TRPM2: variants seen among roughly 807,000 people sequenced by gnomAD.
The protein encoded by TRPM2 is estrogen-responsive element-associated gene 1 protein.
TRPM2 carries 161 observed loss-of-function variants against 174.0 expected under a neutral mutation model. The observed-to-expected ratio is 0.93, with a 90% confidence interval of 0.81 to 1.05. TRPM2 has a LOEUF of 1.05. Among genes scored for constraint, TRPM2 ranks in the 50% least tolerant of loss-of-function variants. The pLI is 0.00. For synonymous variants in TRPM2, 954 were observed against 861.3 expected (o/e 1.11, Z -1.88); for missense variants, 2,057 against 2,038.0 (o/e 1.01, Z -0.18).
At chr21:44,435,013 T>C in intron 27 of TRPM2, 118 bp from the exon 28 acceptor site, 1 of 953,588 alleles carries the variant, frequency 1.0e-6, no homozygotes, top group Admixed American at 2.0e-5. Flanking sequence ...GAAGCCTGCA[T>C]GCTGTCCCGC....
intron 21 of TRPM2, 143 bp from the exon 22 acceptor site, chr21:44,418,280 C>T: frequency 2.9e-6 from 4 of 1,373,510 alleles, no homozygotes; most frequent in South Asian, 2.8e-5. Context: ...AGCCCAGAGG[C>T]CCCCTTGGGG....
chr21:44,388,895 T>C (rs2049092918), intron 9 of TRPM2, among the ~76,000 whole-genome samples: 1 of 152,152 alleles, frequency 6.6e-6, no homozygotes, highest in African/African-American at 2.4e-5. Flanking sequence ...TACACGTATT[T>C]TACCACAGTT....
intron 4 of TRPM2, among the ~76,000 whole-genome samples, chr21:44,368,391 G>C (rs953758400): frequency 6.6e-6 from 1 of 151,606 alleles, no homozygotes; most frequent in East Asian, 1.9e-4. Context: ...ACAGGCGTGA[G>C]CCACCATGCC....
chr21:44,410,307 G>GGTGA (rs1490444496), intron 19 of TRPM2, among the ~76,000 whole-genome samples: 2 of 70,592 alleles, frequency 2.8e-5, no homozygotes, highest in African/African-American at 4.3e-5. Flanking sequence ...GCACTGTCTT[G>GGTGA]GCGTAGCCTT....
At chr21:44,352,471 C>T (rs1008518856), upstream of TRPM2, among the ~76,000 whole-genome samples, 10 of 152,192 alleles carry the variant, frequency 6.6e-5, no homozygotes, top group Non-Finnish European at 8.8e-5. Flanking sequence ...GATGAGGGGA[C>T]GGCAGAGCAA....
intron 19 of TRPM2, among the ~76,000 whole-genome samples, 162 bp downstream of exon 19, chr21:44,406,927 G>A (rs997044648): frequency 4.0e-5 from 6 of 150,520 alleles, no homozygotes; most frequent in African/African-American, 1.5e-4. Context: ...CCCAGCTCCT[G>A]TGGCAGGAAG....
intron 19 of TRPM2, among the ~76,000 whole-genome samples, chr21:44,413,227 C>CTTTTTT (rs958225632): frequency 2.6e-5 from 3 of 116,274 alleles, no homozygotes; most frequent in African/African-American, 6.6e-5. Flanking sequence ...CTTTTCAATT[C>CTTTTTT]TTTTTTTTTT....
chr21:44,363,020 C>G (rs544495276), intron 2 of TRPM2, among the ~76,000 whole-genome samples: 1 of 152,326 alleles, frequency 6.6e-6, no homozygotes, highest in East Asian at 1.9e-4. Context: ...GATCCACCTG[C>G]CTCAGCTTCC....
At chr21:44,389,760 A>AAG (rs1342062667) in intron 9 of TRPM2, among the ~76,000 whole-genome samples, 2 of 152,126 alleles carry the variant, frequency 1.3e-5, no homozygotes, top group Admixed American at 6.5e-5. Context: ...TTCGATTTGT[A>AAG]AGAGTTATTT....
chr21:44,371,928 T>G (rs532760757), intron 5 of TRPM2, among the ~76,000 whole-genome samples: 4 of 151,362 alleles, frequency 2.6e-5, no homozygotes, highest in Non-Finnish European at 2.9e-5. Context: ...AGGACAAAAG[T>G]TCAAGACCAG....
chr21:44,371,134 A>G (rs747381112), intron 5 of TRPM2, among the ~76,000 whole-genome samples: 9 of 152,180 alleles, frequency 5.9e-5, no homozygotes, highest in Non-Finnish European at 1.2e-4. Flanking sequence ...TCTAGGGCCT[A>G]GGGGAAGAGC....
intron 19 of TRPM2, 39 bp downstream of exon 19, chr21:44,406,804 C>G: frequency 6.4e-7 from 1 of 1,567,428 alleles, no homozygotes; most frequent in Non-Finnish European, 8.6e-7. Flanking sequence ...GTGGTGCTGC[C>G]GGGAAGCAGG....
At chr21:44,406,813 G>A (rs2049900314) in intron 19 of TRPM2, 48 bp downstream of exon 19, 13 of 1,557,744 alleles carry the variant, frequency 8.3e-6, no homozygotes, top group Non-Finnish European at 9.5e-6. Flanking sequence ...CCGGGAAGCA[G>A]GAGAGAGGCT....
Position 44,437,159 on chromosome 21 carries a change from C to A in TRPM2, c.4159C>A (p.Leu1387Met), listed in dbSNP as rs1424303743. ...GCTCCCTCTCTCCGAGCACTGGGCC[C>A]TGCCTGGGGTAAGGCTGCCGCGTGT... ...VKLPLSEHWA[L>M]PGGSREPGEM... Residue 1387 changes from leucine (L) to methionine (M), a missense_variant, in exon 29 of 32, where the codon CTG becomes ATG. Transcript: ENST00000397928. 1 of 1,551,202 alleles carries A rather than the reference C, an allele frequency of 6.4e-7. No individual in the cohort carries two copies. Among genetic ancestry groups the A allele is most frequent in the Non-Finnish European group, 8.7e-7 (1 of 1,146,830 alleles).
chr21:44,391,202 G>A lies in TRPM2; in HGVS notation c.1441-70G>A. ...GGACAACAGCAGCCCCCATCTCCAG[G>A]GTCTTTGAGATCAGGATGACATGGG... On this transcript the variant is annotated intron_variant, in intron 10 of 31. Transcript: ENST00000397928. The surrounding 1 kb of genome is among the most constrained non-coding windows in gnomAD (Gnocchi z 5.0). 1 of 1,543,434 alleles carries A rather than the reference G, an allele frequency of 6.5e-7. No homozygotes were observed. Among genetic ancestry groups the A allele is most frequent in the Non-Finnish European group, 8.8e-7 (1 of 1,133,484 alleles).
chr21:44,402,346 G>A (rs2049648974), intron 16 of TRPM2, among the ~76,000 whole-genome samples: 1 of 152,206 alleles, frequency 6.6e-6, no homozygotes, highest in African/African-American at 2.4e-5. Flanking sequence ...ACCAGCCAGG[G>A]GGAGGGACGC....
chr21:44,406,828 A>AG, intron 19 of TRPM2, 63 bp downstream of exon 19: 2 of 1,542,434 alleles, frequency 1.3e-6, no homozygotes, highest in South Asian at 2.4e-5. Flanking sequence ...GAGGCTGGAA[A>AG]GGGGCCGCAT....
rs118119396 is a variant in TRPM2, at chr21:44,366,168, G to A, written c.424-586G>A. 7.8e-4 allele frequency among the ~76,000 whole-genome samples: 118 copies of A among 152,234 alleles called. 4 individuals carry two copies. In the East Asian group the frequency reaches 0.021, roughly 27 times the overall value. ...AGTGACGACAGAACCTGGGAGAGCC[G>A]TGTTCAGACGGGAGGCAGAGGAAGC... On this transcript the variant is annotated intron_variant, in intron 3 of 31. Transcript: ENST00000397928. This position sits in a 1 kb window ranked among gnomAD's most constrained non-coding sequence, Gnocchi z 6.0.
At chr21:44,352,168 C>T (rs2047936659), upstream of TRPM2, among the ~76,000 whole-genome samples, 1 of 152,252 alleles carries the variant, frequency 6.6e-6, no homozygotes, top group Admixed American at 6.5e-5. Context: ...TGAAGCCGGG[C>T]CAGTGGCTGC....
Sources: gnomAD v4.1 joint callset for allele counts (sites outside exome capture counted in the v4.1 genomes callset) on GRCh38, gnomAD v4.1.1 for gene constraint, Gnocchi (gnomAD v3.1) non-coding constraint, MANE v1.5 for transcripts, NCBI Gene and HGNC (gene_info 2026-07-23, HGNC 2026-07-21) for gene names.